SPOP: variants seen among roughly 807,000 people sequenced by gnomAD.
SPOP encodes the protein speckle type BTB/POZ protein, also known as speckle-type POZ protein.
SPOP carries 11 observed loss-of-function variants against 45.6 expected under a neutral mutation model. That is an observed-to-expected ratio of 0.24 (90% CI 0.15 to 0.40). SPOP has a LOEUF of 0.40. SPOP is among the 10% of genes least tolerant of loss of function. SPOP has a pLI of 1.00. For synonymous variants in SPOP, 166 were observed against 166.3 expected (o/e 1.00, Z 0.01); for missense variants, 152 against 465.6 (o/e 0.33, Z 6.20).
intron 1 of SPOP, among the ~76,000 whole-genome samples, chr17:49,657,195 CAA>C (rs879331948): frequency 8.3e-6 from 1 of 120,616 alleles, no homozygotes. Context: ...GACTCTGTCT[CAA>C]AAAAAAAAAA....
At chr17:49,620,120 A>C (rs2072188780) in intron 3 of SPOP, among the ~76,000 whole-genome samples, 1 of 151,982 alleles carries the variant, frequency 6.6e-6, no homozygotes, top group Non-Finnish European at 1.5e-5. Context: ...CAGTGAGCTG[A>C]GATCACACCA....
chr17:49,624,164 G>A (rs140001160), intron 1 of SPOP, among the ~76,000 whole-genome samples: 143 of 152,224 alleles, frequency 9.4e-4, no homozygotes, highest in African/African-American at 3.1e-3. Flanking sequence ...GGAGATGTAG[G>A]TCAAGGGGTA....
At chr17:49,623,568 T>C (rs2072263297) in intron 1 of SPOP, among the ~76,000 whole-genome samples, 1 of 152,208 alleles carries the variant, frequency 6.6e-6, no homozygotes, top group Admixed American at 6.5e-5. Context: ...ATGACCTTGT[T>C]ACCCTCTCTA....
chr17:49,610,393 A>G (rs1454232347), intron 6 of SPOP, among the ~76,000 whole-genome samples: 1 of 151,972 alleles, frequency 6.6e-6, no homozygotes, highest in Non-Finnish European at 1.5e-5. Context: ...TAATTTTTGT[A>G]TTTTTAGTAG....
intron 8 of SPOP, among the ~76,000 whole-genome samples, chr17:49,605,095 C>T (rs2071812613): frequency 6.6e-6 from 1 of 152,216 alleles, no homozygotes; most frequent in South Asian, 2.1e-4. Flanking sequence ...AATCACTGAC[C>T]GAATTATTTT....
At chr17:49,616,195 C>T (rs908116359) in intron 5 of SPOP, among the ~76,000 whole-genome samples, 1 of 152,158 alleles carries the variant, frequency 6.6e-6, no homozygotes, top group Admixed American at 6.5e-5. Context: ...TTCATTTAAA[C>T]ATTCAACAAC....
At chr17:49,641,226 G>A (rs1404171076) in intron 1 of SPOP, among the ~76,000 whole-genome samples, 2 of 117,960 alleles carry the variant, frequency 1.7e-5, no homozygotes, top group Non-Finnish European at 3.2e-5. Context: ...TTGCATTACT[G>A]CACTCCAGCC....
chr17:49,637,733 G>A (rs577383525), intron 1 of SPOP, among the ~76,000 whole-genome samples: 8 of 152,336 alleles, frequency 5.3e-5, no homozygotes, highest in Non-Finnish European at 4.4e-5. Context: ...TACAAGAAAA[G>A]AGAGATCACT....
chr17:49,653,097 T>A (rs1486472651), intron 1 of SPOP, among the ~76,000 whole-genome samples: 2 of 151,918 alleles, frequency 1.3e-5, no homozygotes, highest in Non-Finnish European at 2.9e-5. Context: ...AATTTCCTCA[T>A]TTTTTTTCCC....
chr17:49,622,387 G>T, intron 2 of SPOP: 1 of 523,910 alleles, frequency 1.9e-6, no homozygotes, highest in Non-Finnish European at 3.5e-6. Context: ...TACTTAAAAT[G>T]GGTCTCTGTT....
At chr17:49,607,480 TA>T in intron 7 of SPOP, 108 bp from the exon 8 acceptor site, 1 of 1,375,588 alleles carries the variant, frequency 7.3e-7, no homozygotes, top group Non-Finnish European at 9.6e-7. Flanking sequence ...TTGTATCATT[TA>T]AAACCTAACA....
chr17:49,598,943 T>C lies in SPOP; in HGVS notation c.*1435A>G. ...CATTTATGTCCCCTGGATCTTTTTA[T>C]ATTTAGTTAGAAGAAGGGAGGTGGG... On this transcript the variant is annotated 3_prime_UTR_variant, in exon 10 of 10. Transcript: ENST00000504102. The C allele has an allele frequency of 5.2e-6, 1 of 190,862 alleles. No individual in the cohort carries two copies. Among genetic ancestry groups the C allele is most frequent in the East Asian group, 8.3e-5 (1 of 12,044 alleles). The allele number at this position is 190,862 out of a possible 1,614,324, so 11.8% of individuals were successfully genotyped here.
intron 1 of SPOP, among the ~76,000 whole-genome samples, chr17:49,670,767 C>T (rs2073125877): frequency 6.6e-6 from 1 of 152,134 alleles, no homozygotes; most frequent in Non-Finnish European, 1.5e-5. Flanking sequence ...GTTCCAGACC[C>T]TGAGTTAAGA....
chr17:49,650,447 G>T (rs1174595023), intron 1 of SPOP, among the ~76,000 whole-genome samples: 1 of 151,990 alleles, frequency 6.6e-6, no homozygotes, highest in African/African-American at 2.4e-5. Flanking sequence ...GGGCATGATG[G>T]TGCACGCCTA....
intron 3 of SPOP, among the ~76,000 whole-genome samples, chr17:49,620,871 T>A (rs1382606594): frequency 6.6e-6 from 1 of 152,246 alleles, no homozygotes; most frequent in Non-Finnish European, 1.5e-5. Flanking sequence ...GGAGTGCATA[T>A]GCTACATACA....
chr17:49,643,608 T>G lies in SPOP; in HGVS notation c.-66-20732A>C, dbSNP rs569568785. Among the ~76,000 whole-genome samples, 5 of 152,282 alleles carry G rather than the reference T, an allele frequency of 3.3e-5. No individual in the cohort carries two copies. In the South Asian group the frequency reaches 6.2e-4, roughly 19 times the overall value. On this transcript the variant is annotated intron_variant, in intron 1 of 9. Transcript: ENST00000504102. Reference sequence around the variant, plus strand: ...GAACATGAACTGGATTGGAGATCACTAAATAGTCCCACACAGTAGGGAGAA... The same window carrying G: ...GAACATGAACTGGATTGGAGATCACGAAATAGTCCCACACAGTAGGGAGAA...
rs1172575614 is a variant in SPOP, at chr17:49,600,545, G to A, written c.981-23C>T. The A allele has an allele frequency of 6.2e-7, 1 of 1,613,704 alleles. No individual in the cohort carries two copies. The highest frequency in any genetic ancestry group is 1.1e-5 in the South Asian group (1 of 91,070). On this transcript the variant is annotated intron_variant, in intron 9 of 9. Coordinates refer to ENST00000504102, the MANE Select transcript of SPOP (RefSeq NM_001007228.2). This position sits in a 1 kb window ranked among gnomAD's most constrained non-coding sequence, Gnocchi z 4.2. The stretch of plus-strand genomic sequence containing the variant: ...TGACTAGGAGAAATGTGGAGAAATG[G>A]GTTACCAAAGGGAGTGAGCAAGGGA...
At chr17:49,676,837 T>C (rs12450870) in intron 1 of SPOP, among the ~76,000 whole-genome samples, 15,764 of 152,232 alleles carry the variant, frequency 0.1, 967 homozygotes, top group African/African-American at 0.16. Context: ...GAAATACTAT[T>C]GTACTTCAAA....
At chr17:49,627,763 A>G (rs2072365712) in intron 1 of SPOP, among the ~76,000 whole-genome samples, 1 of 151,982 alleles carries the variant, frequency 6.6e-6, no homozygotes, top group African/African-American at 2.4e-5. Flanking sequence ...GATCTTGACC[A>G]TTTTTTCCCA....
Sources: gnomAD v4.1 joint callset for allele counts (sites outside exome capture counted in the v4.1 genomes callset) on GRCh38, gnomAD v4.1.1 for gene constraint, Gnocchi (gnomAD v3.1) non-coding constraint, MANE v1.5 for transcripts, NCBI Gene and HGNC (gene_info 2026-07-23, HGNC 2026-07-21) for gene names.